The following DOCK1 variants were observed in gnomAD, a reference collection of about 807,000 sequenced individuals.
DOCK1 encodes dedicator of cytokinesis protein 1.
Under a neutral mutation model 262.7 loss-of-function variants are expected in DOCK1, and 138 were observed. That is an observed-to-expected ratio of 0.53 (90% CI 0.46 to 0.61). The LOEUF (loss-of-function observed/expected upper bound fraction) is 0.61, where lower values mean the gene tolerates loss of function less well. Among genes scored for constraint, DOCK1 ranks in the 20% least tolerant of loss-of-function variants. The pLI, the probability that DOCK1 is intolerant of heterozygous loss-of-function variation, is 0.00. For missense variants in DOCK1, 1,908 were observed against 2,370.7 expected (o/e 0.80, Z 4.05); for synonymous variants, 866 against 867.4 (o/e 1.00, Z 0.03).
chr10:127,283,890 A>G (rs191514977), intron 29 of DOCK1, among the ~76,000 whole-genome samples: 4 of 152,354 alleles, frequency 2.6e-5, no homozygotes, highest in Admixed American at 2.6e-4. Flanking sequence ...CCTAGGACAC[A>G]TTCCCAGAAG....
Position 127,092,379 on chromosome 10 carries a change from C to T in DOCK1, c.2446-13852C>T, listed in dbSNP as rs369549726. On this transcript the variant is annotated intron_variant, in intron 23 of 51. Coordinates refer to ENST00000623213, the MANE Select transcript of DOCK1 (RefSeq NM_001290223.2). ...CCCCAGCCTCCCTGTGTGCCCACCA[C>T]GGGCCTGGCACTGGCCGCCCTCTGT... Among the ~76,000 whole-genome samples, 14 of 152,280 alleles carry T rather than the reference C, an allele frequency of 9.2e-5. No individual in the cohort carries two copies. The South Asian group carries it at 2.5e-3, about 27-fold the overall frequency.
In DOCK1 at chr10:127,343,814, C is replaced by A. The variant is rs796628441; in HGVS notation, c.3224+68C>A. On this transcript the variant is annotated intron_variant, in intron 31 of 51. Transcript: ENST00000623213. ...AACTCTAATCGCATAATTTTCATGT[C>A]ATTTCTAAGCCAACTTGATACAAAT... The A allele has an allele frequency of 1.8e-5, 23 of 1,258,188 alleles. 1 individual carries two copies. In the African/African-American group the frequency reaches 2.9e-4, roughly 16 times the overall value. The allele number at this position is 1,258,188 out of a possible 1,614,324, so 77.9% of individuals were successfully genotyped here.
intron 50 of DOCK1, among the ~76,000 whole-genome samples, chr10:127,444,828 C>A (rs913026000): frequency 6.6e-6 from 1 of 152,010 alleles, no homozygotes; most frequent in Non-Finnish European, 1.5e-5. Flanking sequence ...TCTGGTGGCT[C>A]CAAGGGAGAG....
chr10:127,412,254 G>A (rs968184949), intron 43 of DOCK1, among the ~76,000 whole-genome samples: 1 of 152,098 alleles, frequency 6.6e-6, no homozygotes, highest in African/African-American at 2.4e-5. Flanking sequence ...GAGCCACCGC[G>A]CCTGGCCCTA....
chr10:127,242,390 C>T lies in DOCK1; in HGVS notation c.2848-5618C>T, dbSNP rs565431659. ...CATATTTTCTCACAGAAAATACCACCTATGAACATTTTGCCATTGGCTTTC... is the reference window on the plus strand; with the variant it reads ...CATATTTTCTCACAGAAAATACCACTTATGAACATTTTGCCATTGGCTTTC... On this transcript the variant is annotated intron_variant, in intron 27 of 51. Transcript: ENST00000623213. 3.9e-5 allele frequency among the ~76,000 whole-genome samples: 6 copies of T among 152,244 alleles called. No individual in the cohort carries two copies. The East Asian group carries it at 1.2e-3, about 29-fold the overall frequency.
intron 23 of DOCK1, among the ~76,000 whole-genome samples, chr10:127,098,842 C>A (rs534790461): frequency 6.6e-6 from 1 of 152,246 alleles, no homozygotes; most frequent in South Asian, 2.1e-4. Flanking sequence ...GCTATTGAGG[C>A]AGGAGCTGTT....
chr10:127,024,804 T>G (rs2042710510), intron 15 of DOCK1, 21 bp downstream of exon 15: 1 of 1,567,470 alleles, frequency 6.4e-7, no homozygotes, highest in African/African-American at 1.4e-5. Flanking sequence ...CATGGTCATT[T>G]TATCACATGG....
At chr10:127,162,233 C>T (rs2053651809) in intron 27 of DOCK1, among the ~76,000 whole-genome samples, 3 of 152,120 alleles carry the variant, frequency 2.0e-5, no homozygotes, top group South Asian at 4.1e-4. Context: ...TTCAGACACC[C>T]GTGTAATCTC....
intron 23 of DOCK1, among the ~76,000 whole-genome samples, chr10:127,085,907 G>T (rs1210150466): frequency 6.6e-6 from 1 of 152,148 alleles, no homozygotes; most frequent in Non-Finnish European, 1.5e-5. Flanking sequence ...GGACATTGTG[G>T]ATCACTGCAG....
At chr10:127,307,565 C>A (rs1198185673) in intron 29 of DOCK1, among the ~76,000 whole-genome samples, 1 of 152,220 alleles carries the variant, frequency 6.6e-6, no homozygotes, top group African/African-American at 2.4e-5. Context: ...TAGTCATGAT[C>A]CTTCCCGGGC....
At chr10:127,415,298 C>G (rs888962890) in intron 44 of DOCK1, 60 bp downstream of exon 44, 3 of 1,531,414 alleles carry the variant, frequency 2.0e-6, no homozygotes, top group South Asian at 1.2e-5. Flanking sequence ...CAGTCTGCCA[C>G]GCCTTCTTCA....
intron 23 of DOCK1, among the ~76,000 whole-genome samples, chr10:127,071,650 CT>C (rs2046241126): frequency 6.6e-6 from 1 of 152,154 alleles, no homozygotes; most frequent in Non-Finnish European, 1.5e-5. Flanking sequence ...ATTGTAATGG[CT>C]GTATGCCAGT....
In DOCK1 at chr10:127,176,128, C is replaced by T. The variant is rs1486536927; in HGVS notation, c.2847+48364C>T. On this transcript the variant is annotated intron_variant, in intron 27 of 51. Coordinates refer to ENST00000623213, the MANE Select transcript of DOCK1 (RefSeq NM_001290223.2). The surrounding 1 kb of genome is among the most constrained non-coding windows in gnomAD (Gnocchi z 4.4). ...TTGGGGATGGACCTGCGTGCGGGCA[C>T]TGTCATGTATTTGCGGTAGGCTGCT... 2.5e-6 allele frequency: 4 copies of T among 1,614,000 alleles called. No homozygotes were observed. Among genetic ancestry groups the T allele is most frequent in the South Asian group, 1.1e-5 (1 of 91,086 alleles).
chr10:127,274,609 A>G (rs1456484358), intron 29 of DOCK1, among the ~76,000 whole-genome samples: 1 of 152,200 alleles, frequency 6.6e-6, no homozygotes, highest in Non-Finnish European at 1.5e-5. Context: ...TGTACAAACT[A>G]GATGTAAGAA....
intron 27 of DOCK1, among the ~76,000 whole-genome samples, chr10:127,174,729 ATAT>A (rs1179191860): frequency 6.6e-6 from 1 of 152,144 alleles, no homozygotes; most frequent in Non-Finnish European, 1.5e-5. Flanking sequence ...CTGAATACCA[ATAT>A]TATTTCAATT....
At chr10:126,942,085 C>T (rs1438654506) in intron 1 of DOCK1, among the ~76,000 whole-genome samples, 3 of 151,752 alleles carry the variant, frequency 2.0e-5, no homozygotes, top group Non-Finnish European at 4.4e-5. Context: ...AGTGCAGTGG[C>T]ACGATCTCGG....
At chr10:127,209,352 C>T (rs1252079792) in intron 27 of DOCK1, among the ~76,000 whole-genome samples, 1 of 152,190 alleles carries the variant, frequency 6.6e-6, no homozygotes, top group Admixed American at 6.5e-5. Context: ...AATCTGAGGT[C>T]ACCCTGTGTG....
chr10:127,131,095 A>G (rs566793637), intron 27 of DOCK1, among the ~76,000 whole-genome samples: 2 of 152,222 alleles, frequency 1.3e-5, no homozygotes, highest in African/African-American at 4.8e-5. Flanking sequence ...GTTCTAAGGA[A>G]CCCTGAGGAG....
intron 25 of DOCK1, among the ~76,000 whole-genome samples, chr10:127,121,377 A>G (rs2049554703): frequency 6.6e-6 from 1 of 151,930 alleles, no homozygotes; most frequent in Non-Finnish European, 1.5e-5. Flanking sequence ...GTCCATAGGA[A>G]GATAGGAGAT....
Sources: gnomAD v4.1 joint callset for allele counts (sites outside exome capture counted in the v4.1 genomes callset) on GRCh38, gnomAD v4.1.1 for gene constraint, Gnocchi (gnomAD v3.1) non-coding constraint, MANE v1.5 for transcripts, NCBI Gene and HGNC (gene_info 2026-07-23, HGNC 2026-07-21) for gene names.